Variants in ABCB1 observed in about 807,000 individuals in gnomAD.
The protein encoded by ABCB1 is ATP-dependent translocase ABCB1.
ABCB1 carries 69 observed loss-of-function variants against 142.0 expected under a neutral mutation model. The observed-to-expected ratio is 0.49, with a 90% CI of 0.40 to 0.59. The LOEUF is 0.59. ABCB1 is among the 20% of genes least tolerant of loss of function. The pLI, the probability that ABCB1 is intolerant of heterozygous loss-of-function variation, is 0.00. For missense variants in ABCB1, 1,326 were observed against 1,554.7 expected (o/e 0.85, Z 2.47); for synonymous variants, 532 against 539.2 (o/e 0.99, Z 0.18).
chr7:87,549,064 G>C (rs1816930073), intron 14 of ABCB1, among the ~76,000 whole-genome samples: 1 of 152,096 alleles, frequency 6.6e-6, no homozygotes, highest in Non-Finnish European at 1.5e-5. Flanking sequence ...TTTCACATGT[G>C]TCTATATTTC....
At chr7:87,522,824 G>T (rs941303871) in intron 21 of ABCB1, among the ~76,000 whole-genome samples, 16 of 151,832 alleles carry the variant, frequency 1.1e-4, no homozygotes, top group Admixed American at 9.2e-4. Context: ...TATTTAAAAA[G>T]ATTGGAATGA....
At chr7:87,634,646 A>G (rs1474072685) in intron 1 of ABCB1, among the ~76,000 whole-genome samples, 2 of 152,138 alleles carry the variant, frequency 1.3e-5, no homozygotes, top group Non-Finnish European at 2.9e-5. Flanking sequence ...AAGAAAAAAA[A>G]AAGAACTTTA....
chr7:87,548,084 A>G (rs1816868872), intron 14 of ABCB1, among the ~76,000 whole-genome samples: 1 of 131,060 alleles, frequency 7.6e-6, no homozygotes, highest in Non-Finnish European at 1.7e-5. Flanking sequence ...AAGAGAAGAG[A>G]AAAAAGAAAA....
At chr7:87,515,463 T>C in intron 24 of ABCB1, 35 bp from the exon 25 acceptor site, 1 of 1,593,272 alleles carries the variant, frequency 6.3e-7, no homozygotes, top group Non-Finnish European at 8.6e-7. Context: ...ATTTGAATGC[T>C]GCAATACTGA....
intron 1 of ABCB1, among the ~76,000 whole-genome samples, chr7:87,641,527 A>G (rs1822451348): frequency 6.6e-6 from 1 of 152,164 alleles, no homozygotes; most frequent in African/African-American, 2.4e-5. Flanking sequence ...GCAAGCCAAA[A>G]CAACAAAATG....
rs543970360 is a variant in ABCB1, at chr7:87,569,816, T to G, written c.338+356A>C. 8.5e-5 allele frequency among the ~76,000 whole-genome samples: 13 copies of G among 152,230 alleles called. No individual in the cohort carries two copies. The East Asian group carries it at 2.5e-3, about 29-fold the overall frequency. On this transcript the variant is annotated intron_variant, in intron 5 of 27. Coordinates refer to ENST00000622132, the MANE Select transcript of ABCB1 (RefSeq NM_001348946.2). ...AATCCTCTCACATCAGCCTCCCAAG[T>G]AGCTAGGACTGTAGCTATGTGCCAC...
rs763159622 is a variant in ABCB1, at chr7:87,570,205, C to A, written c.305G>T (p.Gly102Val). 2.5e-6 allele frequency: 4 copies of A among 1,612,824 alleles called. No homozygotes were observed. The South Asian group carries it at 3.3e-5, about 13-fold the overall frequency. The change falls in exon 5 of 28, where the codon GGG (glycine) becomes GTG (valine). Residue 102 changes from glycine to valine, a missense_variant. Transcript: ENST00000622132. ...GTCTTCCTCCAGATTCATGAAGAAC[C>A]CTGTATCATTGATATCACCTAGACC... The part of the protein sequence containing the change: ...ITNRSDINDT[G>V]FFMNLEEDMT...
In ABCB1 at chr7:87,549,849, A is replaced by G; in HGVS notation, c.1554+2T>C. The G allele has an allele frequency of 6.2e-7, 1 of 1,614,198 alleles. No homozygotes were observed. Among genetic ancestry groups the G allele is most frequent in the Non-Finnish European group, 8.5e-7 (1 of 1,180,012 alleles). ...GAAAGGCAAAGGGCAAGGACAACTT[A>G]CATGAGGCAGTTTCATGATAAAGTC... On this transcript the variant is annotated splice_donor_variant, in intron 13 of 27. Transcript: ENST00000622132. LOFTEE classifies it high-confidence loss of function.
At position 87,503,583 on chromosome 7, in the gene ABCB1, C is replaced by G. The variant is rs1814583026; in HGVS notation, c.*660G>C. ...ACTTCATAATTGTGCCTCACCCCAC[C>G]TCCTAAAATCTTATATCGATCTGTG... On this transcript the variant is annotated 3_prime_UTR_variant, in exon 28 of 28. Coordinates refer to ENST00000622132, the MANE Select transcript of ABCB1 (RefSeq NM_001348946.2). 6.5e-6 allele frequency: 1 copy of G among 153,546 alleles called. No homozygotes were observed. Among genetic ancestry groups the G allele is most frequent in the African/African-American group, 2.4e-5 (1 of 41,440 alleles). 9.5% of individuals were successfully genotyped at this position (153,546 alleles called of 1,614,324 possible). A position where few individuals can be genotyped will look rare whatever the true frequency, so the allele number is the denominator to read the frequency against.
chr7:87,668,204 C>T (rs1043383881), intron 1 of ABCB1, among the ~76,000 whole-genome samples: 1 of 151,466 alleles, frequency 6.6e-6, no homozygotes, highest in Non-Finnish European at 1.5e-5. Context: ...TTCTTCCTGG[C>T]TCTGTCTTGA....
intron 19 of ABCB1, among the ~76,000 whole-genome samples, chr7:87,537,844 A>C (rs375530459): frequency 2.0e-5 from 3 of 152,186 alleles, no homozygotes; most frequent in African/African-American, 7.2e-5. Context: ...GTATGAATTT[A>C]TATGTTTTAC....
chr7:87,707,072 C>T (rs1829663158), intron 1 of ABCB1, among the ~76,000 whole-genome samples: 1 of 152,026 alleles, frequency 6.6e-6, no homozygotes, highest in African/African-American at 2.4e-5. Context: ...AAGTAGTCCC[C>T]TAAATTGTGA....
chr7:87,620,786 T>A (rs1030495416), intron 1 of ABCB1, among the ~76,000 whole-genome samples: 1 of 152,126 alleles, frequency 6.6e-6, no homozygotes, highest in Non-Finnish European at 1.5e-5. Context: ...AATACAAAAA[T>A]TTGACTGCAT....
chr7:87,504,282 A>G lies in ABCB1; in HGVS notation c.3804T>C (p.Phe1268=). ...QQLLAQKGIY[F]SMVSVQAGTK... is the part of the protein sequence containing the mutation. The stretch of plus-strand genomic sequence containing the variant: ...TTCCAGCCTGGACACTGACCATTGA[A>G]AAATAGATGCCTTTCTGTGCCAGCA... Residue 1268 remains phenylalanine (F), a synonymous_variant, in exon 28 of 28, where the codon TTT becomes TTC. Coordinates refer to ENST00000622132, the MANE Select transcript of ABCB1 (RefSeq NM_001348946.2). The G allele has an allele frequency of 1.2e-6, 2 of 1,614,134 alleles. No homozygotes were observed. The highest frequency in any genetic ancestry group is 2.2e-5 in the South Asian group (2 of 91,074).
chr7:87,561,524 T>C, intron 7 of ABCB1, 137 bp from the exon 8 acceptor site: 1 of 863,996 alleles, frequency 1.2e-6, no homozygotes, highest in Non-Finnish European at 1.8e-6. Flanking sequence ...TACTTGCCTT[T>C]GGTCTGTATT....
chr7:87,577,857 C>A (rs1366798259), intron 4 of ABCB1, among the ~76,000 whole-genome samples: 1 of 152,176 alleles, frequency 6.6e-6, no homozygotes, highest in African/African-American at 2.4e-5. Context: ...TACTTTCTCC[C>A]ATTTTGCAGG....
chr7:87,546,691 A>G (rs1220107951), intron 14 of ABCB1, among the ~76,000 whole-genome samples: 2 of 152,346 alleles, frequency 1.3e-5, no homozygotes, highest in East Asian at 3.9e-4. Flanking sequence ...CCGGCTAGTA[A>G]TCAGCCCTAG....
In ABCB1 at chr7:87,509,287, C is replaced by A. The variant is rs1410153460; in HGVS notation, c.3477G>T (p.Glu1159Asp). The change falls in exon 26 of 28, where the codon GAG becomes GAT. Residue 1159 changes from glutamate (E) to aspartate (D), a missense_variant. By Grantham distance (45) the Glu-to-Asp change is conservative. Transcript: ENST00000622132. ...AKEANIHAFI[E>D]SLPNKYSTKV... ...AAGAGAGACTTACATTAGGCAGTGA[C>A]TCGATGAAGGCATGTATGTTGGCCT... 8.7e-6 allele frequency: 14 copies of A among 1,614,008 alleles called. No homozygotes were observed. The Admixed American group carries it at 2.2e-4, about 25-fold the overall frequency.
chr7:87,621,949 G>A (rs534365655), intron 1 of ABCB1, among the ~76,000 whole-genome samples: 1 of 151,996 alleles, frequency 6.6e-6, no homozygotes, highest in Non-Finnish European at 1.5e-5. Context: ...TTGGGACAGT[G>A]GTTAATCATT....
Sources: allele counts gnomAD v4.1 joint callset (sites outside exome capture counted in the v4.1 genomes callset), GRCh38; gene constraint gnomAD v4.1.1; transcripts MANE v1.5; gene names NCBI Gene and HGNC (gene_info 2026-07-23, HGNC 2026-07-21).